The following MAPRE1 variants were observed in gnomAD, a reference collection of about 807,000 sequenced individuals.
The protein encoded by MAPRE1 is microtubule-associated protein RP/EB family member 1.
In MAPRE1, 5 loss-of-function variants were observed where a neutral mutation model predicts 32.1. The ratio of observed to expected loss-of-function variants is 0.16; its 90% CI spans 0.08 to 0.33. MAPRE1 has a LOEUF of 0.33. Ranked by LOEUF, MAPRE1 falls within the 10% of genes least tolerant of loss-of-function variation. The probability of loss-of-function intolerance (pLI) is 1.00; values close to 1 mark genes in which losing one functional copy is unlikely to be tolerated. For missense variants in MAPRE1, 209 were observed against 327.2 expected, an observed-to-expected ratio of 0.64 and a Z score of 2.79; for synonymous variants, 122 against 118.9, an observed-to-expected ratio of 1.03 and a Z score of -0.17.
intron 2 of MAPRE1, among the ~76,000 whole-genome samples, chr20:32,828,411 T>C (rs1419808993): frequency 6.6e-6 from 1 of 152,224 alleles, no homozygotes; most frequent in Admixed American, 6.5e-5. Context: ...AATTGGAAAA[T>C]GTGATCTTTA....
chr20:32,844,468 T>TC (rs1983449907), intron 5 of MAPRE1, among the ~76,000 whole-genome samples: 2 of 140,398 alleles, frequency 1.4e-5, no homozygotes, highest in African/African-American at 5.6e-5. Context: ...TTTTTTTTTT[T>TC]TTGTGGCGTG....
chr20:32,826,373 C>T (rs923126027), intron 2 of MAPRE1, among the ~76,000 whole-genome samples: 36 of 151,710 alleles, frequency 2.4e-4, no homozygotes, highest in Middle Eastern at 3.4e-3. Context: ...CCTGCCACCA[C>T]GCCTGGCTAA....
intron 2 of MAPRE1, among the ~76,000 whole-genome samples, chr20:32,830,756 A>G (rs1175580004): frequency 8.3e-6 from 1 of 120,742 alleles, no homozygotes; most frequent in Non-Finnish European, 1.7e-5. Context: ...TTTTTTTTTG[A>G]GGCGGAGTCT....
At chr20:32,824,296 A>G (rs58997486) in intron 1 of MAPRE1, among the ~76,000 whole-genome samples, 2,041 of 152,344 alleles carry the variant, frequency 0.013, 44 homozygotes, top group African/African-American at 0.047. Flanking sequence ...CTCATAGACA[A>G]TAACGCCCAC....
At chr20:32,839,544 C>T (rs1237161448) in intron 4 of MAPRE1, among the ~76,000 whole-genome samples, 191 bp from the exon 5 acceptor site, 1 of 152,162 alleles carries the variant, frequency 6.6e-6, no homozygotes, top group South Asian at 2.1e-4. Flanking sequence ...AACTCTGCTG[C>T]CAGGATAGAA....
intron 1 of MAPRE1, among the ~76,000 whole-genome samples, chr20:32,821,452 C>T (rs1347896975): frequency 6.6e-6 from 1 of 152,230 alleles, no homozygotes; most frequent in East Asian, 1.9e-4. Context: ...TACACTTTCT[C>T]CCTGAGGTCC....
intron 5 of MAPRE1, among the ~76,000 whole-genome samples, chr20:32,841,866 G>A (rs1983373385): frequency 6.6e-6 from 1 of 152,142 alleles, no homozygotes; most frequent in African/African-American, 2.4e-5. Context: ...TGAGCTGAAT[G>A]TTAAGTGCCT....
chr20:32,827,639 G>A (rs1054387564), intron 2 of MAPRE1, among the ~76,000 whole-genome samples: 2 of 151,726 alleles, frequency 1.3e-5, no homozygotes, highest in African/African-American at 4.8e-5. Context: ...GCTCGTGCCT[G>A]TAATCTCAGC....
intron 3 of MAPRE1, among the ~76,000 whole-genome samples, chr20:32,834,351 T>C (rs111362885): frequency 0.01 from 1,554 of 152,258 alleles, 25 homozygotes; most frequent in African/African-American, 0.036. Flanking sequence ...CCGTGGTGGG[T>C]GCTGGAAAAC....
intron 3 of MAPRE1, 120 bp from the exon 4 acceptor site, chr20:32,836,514 A>G: frequency 1.5e-6 from 1 of 646,402 alleles, no homozygotes; most frequent in South Asian, 2.0e-5. Context: ...CTTAGCCCTA[A>G]GGTCTCTAAA....
intron 1 of MAPRE1, 39 bp from the exon 2 acceptor site, chr20:32,825,886 A>G (rs750254523): frequency 5.5e-5 from 85 of 1,532,922 alleles, no homozygotes; most frequent in Middle Eastern, 2.0e-4. Context: ...TGCATGCCTA[A>G]TGTAACACAG....
chr20:32,824,490 C>T (rs1568875311), intron 1 of MAPRE1, among the ~76,000 whole-genome samples: 1 of 152,174 alleles, frequency 6.6e-6, no homozygotes. Context: ...TTGCAGAGGG[C>T]TGTCAGGGTT....
At chr20:32,820,772 A>G (rs1282023045) in intron 1 of MAPRE1, among the ~76,000 whole-genome samples, 1 of 151,838 alleles carries the variant, frequency 6.6e-6, no homozygotes, top group East Asian at 1.9e-4. Context: ...CCTACTTCAC[A>G]GTTGCCCTCG....
In MAPRE1 at chr20:32,831,573, G is replaced by T. The variant is rs1234357828; in HGVS notation, c.122-2144G>T. On this transcript the variant is annotated intron_variant, in intron 2 of 6. Transcript: ENST00000375571. ...AGACGGAGTCTTGCTCTGTCTCCCA[G>T]GCTGGAGTGCAATGAATGGTGCGAT... Among the ~76,000 whole-genome samples the T allele has an allele frequency of 2.0e-5, 3 of 150,254 alleles. No individual in the cohort carries two copies. In the Admixed American group the frequency reaches 2.0e-4, roughly 10 times the overall value.
chr20:32,842,746 A>G (rs1185824983), intron 5 of MAPRE1, among the ~76,000 whole-genome samples: 2 of 152,202 alleles, frequency 1.3e-5, no homozygotes, highest in East Asian at 1.9e-4. Flanking sequence ...GACAGGTTTG[A>G]TACACTTGGA....
intron 3 of MAPRE1, among the ~76,000 whole-genome samples, chr20:32,835,381 G>A (rs868471957): frequency 5.6e-5 from 1 of 17,724 alleles, no homozygotes; most frequent in Non-Finnish European, 8.5e-5. Flanking sequence ...TTTTTTTTTT[G>A]AGATGAGGTC....
At chr20:32,835,380 T>TTTTTTTTTTTTTTTTTTAG (rs1983166473) in intron 3 of MAPRE1, among the ~76,000 whole-genome samples, 1 of 147,714 alleles carries the variant, frequency 6.8e-6, no homozygotes, top group Admixed American at 6.7e-5. Context: ...TTTTTTTTTT[T>TTTTTTTTTTTTTTTTTTAG]GAGATGAGGT....
chr20:32,828,639 G>C (rs1011305373), intron 2 of MAPRE1, among the ~76,000 whole-genome samples: 2 of 152,180 alleles, frequency 1.3e-5, no homozygotes, highest in African/African-American at 4.8e-5. Flanking sequence ...TATAATAACA[G>C]CTTTCAGATA....
In MAPRE1 at chr20:32,833,796, A is replaced by G. The variant is rs1344200775; in HGVS notation, c.201A>G (p.Leu67=). Reference sequence around the variant, plus strand: ...AGAAAGTGAAATTCCAAGCTAAGCTAGAACACGAGTACATCCAGAACTTCA... The same window carrying G: ...AGAAAGTGAAATTCCAAGCTAAGCTGGAACACGAGTACATCCAGAACTTCA... ...ALKKVKFQAK[L]EHEYIQNFKI... Residue 67 remains leucine, a synonymous_variant, in exon 3 of 7, where the codon CTA becomes CTG. Coordinates refer to ENST00000375571, the MANE Select transcript of MAPRE1 (RefSeq NM_012325.3). The G allele has an allele frequency of 2.5e-6, 4 of 1,614,170 alleles. No homozygotes were observed. The highest frequency in any genetic ancestry group is 1.7e-5 in the Admixed American group (1 of 60,024).
Sources: gnomAD v4.1 joint callset for allele counts (sites outside exome capture counted in the v4.1 genomes callset) on GRCh38, gnomAD v4.1.1 for gene constraint, MANE v1.5 for transcripts, NCBI Gene and HGNC (gene_info 2026-07-23, HGNC 2026-07-21) for gene names.